Variants in LONRF1 observed in about 807,000 individuals in gnomAD.
LONRF1 encodes the protein LON peptidase N-terminal domain and ring finger 1.
In LONRF1, 37 loss-of-function variants were observed where a neutral mutation model predicts 85.8. The ratio of observed to expected loss-of-function variants is 0.43; its 90% confidence interval spans 0.33 to 0.57. LONRF1 has a LOEUF of 0.57. Among genes scored for constraint, LONRF1 ranks in the 20% least tolerant of loss-of-function variants. The pLI, the probability that LONRF1 is intolerant of heterozygous loss-of-function variation, is 0.04. For missense variants in LONRF1, 1,036 were observed against 978.0 expected (o/e 1.06, Z -0.79); for synonymous variants, 517 against 390.1 (o/e 1.33, Z -3.83).
At chr8:12,729,439 A>G (rs1162306943) in intron 8 of LONRF1, 107 bp from the exon 9 acceptor site, 1 of 1,109,856 alleles carries the variant, frequency 9.0e-7, no homozygotes, top group Non-Finnish European at 1.3e-6. Context: ...ATGTAAAGCA[A>G]AAAAAGAATT....
intron 1 of LONRF1, chr8:12,754,436 C>T: frequency 6.2e-6 from 2 of 322,306 alleles, no homozygotes. Flanking sequence ...ACAGCCAGGC[C>T]GCGGCCGAGG....
chr8:12,727,650 T>C (rs1252003054), intron 10 of LONRF1, among the ~76,000 whole-genome samples: 4 of 152,174 alleles, frequency 2.6e-5, no homozygotes, highest in Admixed American at 1.3e-4. Context: ...TCAAATCCAA[T>C]AAGTGAAGAC....
Position 12,743,276 on chromosome 8 carries a change from C to T in LONRF1, c.728G>A (p.Ser243Asn). 1 of 1,564,924 alleles carries T rather than the reference C, an allele frequency of 6.4e-7. No individual in the cohort carries two copies. The highest frequency in any genetic ancestry group is 8.8e-7 in the Non-Finnish European group (1 of 1,137,634). ...TCTGTAAATTTTTACAATCAAGTCA[C>T]TGGGTTCTGAAATAAATATTTTATA... ...AACEALRAEP[S>N]DLIVKIYRAE... The change falls in exon 2 of 12, where the codon AGT becomes AAT. Residue 243 changes from serine to asparagine, a missense_variant. Coordinates refer to ENST00000398246, the MANE Select transcript of LONRF1 (RefSeq NM_152271.5).
At position 12,754,828 on chromosome 8, in the gene LONRF1, T is replaced by C. The variant is rs770697489; in HGVS notation, c.593A>G (p.Asn198Ser). ...CGGAAACCACTTCTCGGCCAGGTGG[T>C]TGAGGACGACGCTGGTTCTGAAGTC... The part of the protein sequence containing the change: ...ASDFRTSVVL[N>S]HLAEKWFPGQ... Residue 198 changes from asparagine to serine, a missense_variant, in exon 1 of 12, where the codon AAC becomes AGC. Physicochemically the swap from Asn to Ser is conservative, Grantham distance 46. Around this residue, in one of 3 missense-constraint regions of LONRF1, gnomAD observed 742 missense variants for 614.4 expected, o/e 1.21. Coordinates refer to ENST00000398246, the MANE Select transcript of LONRF1 (RefSeq NM_152271.5). 1 of 1,422,080 alleles carries C rather than the reference T, an allele frequency of 7.0e-7. No homozygotes were observed. Among genetic ancestry groups the C allele is most frequent in the Non-Finnish European group, 9.2e-7 (1 of 1,084,920 alleles). The allele number at this position is 1,422,080 out of a possible 1,614,324, so 88.1% of individuals were successfully genotyped here. A position where few individuals can be genotyped will look rare whatever the true frequency, so the allele number is the denominator to read the frequency against.
At chr8:12,749,402 T>C (rs772839041) in intron 1 of LONRF1, among the ~76,000 whole-genome samples, 27 of 152,208 alleles carry the variant, frequency 1.8e-4, no homozygotes, top group Admixed American at 3.3e-4. Flanking sequence ...TAGAGTTCCC[T>C]GAAGTCATTC....
At chr8:12,729,693 A>G (rs1056767824) in intron 8 of LONRF1, among the ~76,000 whole-genome samples, 10 of 152,184 alleles carry the variant, frequency 6.6e-5, no homozygotes, top group African/African-American at 2.4e-4. Flanking sequence ...ATGACAATAA[A>G]TACCTTTTAT....
In LONRF1 at chr8:12,743,224, C is replaced by G; in HGVS notation, c.780G>C (p.Glu260Asp). 1 of 1,613,394 alleles carries G rather than the reference C, an allele frequency of 6.2e-7. No homozygotes were observed. The highest frequency in any genetic ancestry group is 8.5e-7 in the Non-Finnish European group (1 of 1,179,574). ...YRAESYAGLQ[E>D]FKAAIEDLNA... is the part of the protein sequence containing the mutation. ...TTAAATCTTCTATGGCTGCTTTAAA[C>G]TCTTGGAGACCAGCATATGATTCCG... Residue 260 changes from glutamate (E) to aspartate (D), a missense_variant, in exon 2 of 12, where the codon GAG becomes GAC. This residue lies in a region of LONRF1 where 742 missense variants were observed against 614.4 expected (regional missense o/e 1.21). Transcript: ENST00000398246.
chr8:12,731,556 A>T (rs1798530128), intron 8 of LONRF1, among the ~76,000 whole-genome samples, 180 bp downstream of exon 8: 1 of 152,020 alleles, frequency 6.6e-6, no homozygotes, highest in Non-Finnish European at 1.5e-5. Flanking sequence ...CTCCCTATAA[A>T]ACATCCGGAT....
Position 12,735,350 on chromosome 8 carries a change from T to C in LONRF1, c.1502A>G (p.Asn501Ser). ...ATGATCTAAACAACGCTCAAGACAA[T>C]TCTTACAGAACGAATGTCCGCAAGG... ...TTPCGHSFCK[N>S]CLERCLDHAP... is the part of the protein sequence containing the mutation. Residue 501 changes from asparagine (N) to serine (S), a missense_variant, in exon 7 of 12, where the codon AAT becomes AGT. Physicochemically the swap from Asn to Ser is conservative, Grantham distance 46 (BLOSUM62 1). This residue lies in a region of LONRF1 where 29 missense variants were observed against 62.1 expected (regional missense o/e 0.47). Coordinates refer to ENST00000398246, the MANE Select transcript of LONRF1 (RefSeq NM_152271.5). 1 of 1,608,618 alleles carries C rather than the reference T, an allele frequency of 6.2e-7. No individual in the cohort carries two copies. The highest frequency in any genetic ancestry group is 8.5e-7 in the Non-Finnish European group (1 of 1,176,934).
chr8:12,755,033 G>T lies in LONRF1; in HGVS notation c.388C>A (p.Leu130Met). Reference sequence around the variant, plus strand: ...CAGGGCACGGTCACCGGCTCGCTCAGGAAGCCCCGGCAGCCCAGGCATCTG... The same window carrying T: ...CAGGGCACGGTCACCGGCTCGCTCATGAAGCCCCGGCAGCCCAGGCATCTG... ...LLRCLGCRGF[L>M]SEPVTVPCGH... is the part of the protein sequence containing the mutation. Residue 130 changes from leucine to methionine, a missense_variant, in exon 1 of 12, where the codon CTG (leucine) becomes ATG (methionine). Transcript: ENST00000398246. 1 of 1,491,264 alleles carries T rather than the reference G, an allele frequency of 6.7e-7. No homozygotes were observed. The highest frequency in any genetic ancestry group is 1.3e-5 in the South Asian group (1 of 79,754). The allele number at this position is 1,491,264 out of a possible 1,614,324, so 92.4% of individuals were successfully genotyped here. A position where few individuals can be genotyped will look rare whatever the true frequency, so the allele number is the denominator to read the frequency against.
intron 1 of LONRF1, among the ~76,000 whole-genome samples, chr8:12,745,679 GC>G (rs968966676): frequency 1.1e-4 from 17 of 152,262 alleles, no homozygotes; most frequent in African/African-American, 4.1e-4. Context: ...GTATTGCCCA[GC>G]AAGTGCCTGG....
chr8:12,730,840 A>C (rs138460909), intron 8 of LONRF1, among the ~76,000 whole-genome samples: 215 of 152,316 alleles, frequency 1.4e-3, no homozygotes, highest in African/African-American at 4.9e-3. Flanking sequence ...TTGATAAAGG[A>C]GTCTACAAGC....
chr8:12,751,294 A>ATGTTTTTTTTTTT (rs1799378558), intron 1 of LONRF1, among the ~76,000 whole-genome samples: 1 of 84,808 alleles, frequency 1.2e-5, no homozygotes, highest in African/African-American at 4.2e-5. Context: ...TTTTATTTTT[A>ATGTTTTTTTTTTT]TGTTTTTTTT....
rs747682337 is a variant in LONRF1 at position 12,737,079 on chromosome 8, G to A, written c.1175C>T (p.Ser392Leu). Residue 392 changes from serine (S) to leucine (L), a missense_variant, in exon 5 of 12, where the codon TCA becomes TTA. Around this residue, in one of 3 missense-constraint regions of LONRF1, gnomAD observed 742 missense variants for 614.4 expected, o/e 1.21. Transcript: ENST00000398246. ...TTCTGTTGAATTTATAGACTGTGCT[G>A]ACTGAGCACGGTTTAAGCTTCCTTT... ...PVKGSLNRAQ[S>L]AQSINSTEMP... is the part of the protein sequence containing the mutation. 1.9e-6 allele frequency: 3 copies of A among 1,613,492 alleles called. No homozygotes were observed. Among genetic ancestry groups the A allele is most frequent in the South Asian group, 1.1e-5 (1 of 91,072 alleles).
In LONRF1 at chr8:12,743,683, T is replaced by C. The variant is rs138016225; in HGVS notation, c.722-401A>G. 2.3e-4 allele frequency among the ~76,000 whole-genome samples: 35 copies of C among 152,286 alleles called. 1 individual carries two copies. The Middle Eastern group carries it at 0.01, about 44-fold the overall frequency. On this transcript the variant is annotated intron_variant, in intron 1 of 11. Coordinates refer to ENST00000398246, the MANE Select transcript of LONRF1 (RefSeq NM_152271.5). ...TTACCCTACTTTCTAAATCTTCATT[T>C]ATAAAAATAGCCATACGTGTAACTA...
At chr8:12,737,770 C>T (rs1489793363) in intron 4 of LONRF1, among the ~76,000 whole-genome samples, 2 of 152,064 alleles carry the variant, frequency 1.3e-5, no homozygotes, top group African/African-American at 4.8e-5. Context: ...TTTTAAAGAA[C>T]TAAAAGTTTT....
rs764777172 is a variant in LONRF1 at position 12,738,057 on chromosome 8, G to A, written c.1051C>T (p.Pro351Ser). ...TCCATCACTGAATGAAAATCAAAAG[G>A]TCTGTTTTTAGTACATGGTAATGAA... ...WSSLPCTKNR[P>S]FDFHSVMEES... The change falls in exon 4 of 12, where the codon CCT (proline) becomes TCT (serine). Residue 351 changes from proline (P) to serine (S), a missense_variant. Physicochemically the swap from Pro to Ser is moderately conservative, Grantham distance 74. Transcript: ENST00000398246. The A allele has an allele frequency of 6.2e-7, 1 of 1,610,270 alleles. No homozygotes were observed.
At chr8:12,746,006 T>C (rs1220542985) in intron 1 of LONRF1, among the ~76,000 whole-genome samples, 4 of 152,142 alleles carry the variant, frequency 2.6e-5, no homozygotes, top group African/African-American at 4.8e-5. Flanking sequence ...AACTCAGCAT[T>C]CTTCACCAAA....
At chr8:12,736,674 A>G (rs370198038) in intron 6 of LONRF1, 27 bp downstream of exon 6, 2 of 1,446,778 alleles carry the variant, frequency 1.4e-6, no homozygotes, top group African/African-American at 2.8e-5. Context: ...TAAAATATTC[A>G]TCTTCTATAA....
Sources: gnomAD v4.1 joint callset for allele counts (sites outside exome capture counted in the v4.1 genomes callset) on GRCh38, gnomAD v4.1.1 for gene constraint, gnomAD v4.1.1 regional missense constraint, MANE v1.5 for transcripts, NCBI Gene and HGNC (gene_info 2026-07-23, HGNC 2026-07-21) for gene names.